ERC1: variants seen among roughly 807,000 people sequenced by gnomAD.
The protein encoded by ERC1 is RAB6 interacting protein 2.
Under a neutral mutation model 132.0 loss-of-function variants are expected in ERC1, and 56 were observed. The ratio of observed to expected loss-of-function variants is 0.42; its 90% CI spans 0.34 to 0.53. The LOEUF (loss-of-function observed/expected upper bound fraction) is 0.53, where lower values mean the gene tolerates loss of function less well. Ranked by LOEUF, ERC1 falls within the 20% of genes least tolerant of loss-of-function variation. The pLI, the probability that ERC1 is intolerant of heterozygous loss-of-function variation, is 0.03. For synonymous variants in ERC1, 478 were observed against 476.1 expected, an observed-to-expected ratio of 1.00 and a Z score of -0.05; for missense variants, 1,202 against 1,349.9, an observed-to-expected ratio of 0.89 and a Z score of 1.72.
intron 9 of ERC1, among the ~76,000 whole-genome samples, chr12:1,181,524 C>T (rs1954462356): frequency 6.6e-6 from 1 of 152,096 alleles, no homozygotes; most frequent in Admixed American, 6.6e-5. Flanking sequence ...TCTGGCCAGG[C>T]ACAATGACTC....
At chr12:1,149,834 A>G (rs1950680088) in intron 8 of ERC1, among the ~76,000 whole-genome samples, 2 of 152,198 alleles carry the variant, frequency 1.3e-5, no homozygotes. Context: ...CAGATTGAAT[A>G]TTATTATTCT....
At chr12:1,226,842 A>C (rs2074616469) in intron 12 of ERC1, among the ~76,000 whole-genome samples, 1 of 151,982 alleles carries the variant, frequency 6.6e-6, no homozygotes, top group Non-Finnish European at 1.5e-5. Flanking sequence ...AGGCCTGGCT[A>C]ATTTTTCTGT....
intron 8 of ERC1, among the ~76,000 whole-genome samples, chr12:1,156,876 A>G (rs1951446758): frequency 6.6e-6 from 1 of 151,228 alleles, no homozygotes. Context: ...TTGATGATGT[A>G]TTTTTTCTTG....
intron 8 of ERC1, among the ~76,000 whole-genome samples, chr12:1,151,473 A>G (rs919577803): frequency 3.3e-5 from 5 of 152,214 alleles, no homozygotes; most frequent in African/African-American, 1.2e-4. Flanking sequence ...CAATGCAAGA[A>G]ATCCCTGTTA....
chr12:1,062,829 A>T (rs1938291351), intron 2 of ERC1, among the ~76,000 whole-genome samples: 2 of 152,144 alleles, frequency 1.3e-5, no homozygotes, highest in African/African-American at 4.8e-5. Context: ...AATTATTCTT[A>T]TATTGGGATC....
At chr12:1,444,259 A>G (rs1002107207) in intron 17 of ERC1, 19 of 203,174 alleles carry the variant, frequency 9.4e-5, no homozygotes, top group Non-Finnish European at 1.4e-4. Flanking sequence ...CATCTCTGTA[A>G]AAACAAGTTA....
At chr12:1,464,479 A>G (rs908020137) in intron 18 of ERC1, among the ~76,000 whole-genome samples, 1 of 134,776 alleles carries the variant, frequency 7.4e-6, no homozygotes, top group African/African-American at 2.8e-5. Context: ...GTTCTCATGT[A>G]CCTTCAGCTT....
At chr12:1,124,238 G>C (rs1004869375) in intron 7 of ERC1, among the ~76,000 whole-genome samples, 5 of 152,098 alleles carry the variant, frequency 3.3e-5, no homozygotes, top group African/African-American at 1.2e-4. Context: ...GGTCATAAAG[G>C]AAACTTTAAA....
chr12:1,488,129 C>T (rs1272092168), intron 18 of ERC1, among the ~76,000 whole-genome samples: 1 of 142,292 alleles, frequency 7.0e-6, no homozygotes, highest in Non-Finnish European at 1.5e-5. Context: ...CAGAGCGAGA[C>T]TCACGTCTCA....
At chr12:1,452,504 G>T (rs1408344738) in intron 18 of ERC1, among the ~76,000 whole-genome samples, 1 of 151,928 alleles carries the variant, frequency 6.6e-6, no homozygotes, top group Non-Finnish European at 1.5e-5. Flanking sequence ...GAAAATTCTT[G>T]GCCATTATCT....
chr12:1,305,515 C>T (rs1203274466), intron 15 of ERC1, among the ~76,000 whole-genome samples: 2 of 152,170 alleles, frequency 1.3e-5, no homozygotes, highest in Admixed American at 1.3e-4. Flanking sequence ...CCTCGCCCCA[C>T]CCCCGTAAGT....
chr12:1,185,438 C>T (rs746000646), intron 11 of ERC1, among the ~76,000 whole-genome samples: 2 of 120,550 alleles, frequency 1.7e-5, no homozygotes, highest in African/African-American at 4.3e-5. Context: ...TTTTTTTTCA[C>T]CATTTTTTTA....
At chr12:1,103,216 G>A (rs1264056950) in intron 3 of ERC1, among the ~76,000 whole-genome samples, 1 of 152,210 alleles carries the variant, frequency 6.6e-6, no homozygotes, top group Non-Finnish European at 1.5e-5. Context: ...TCCCCTAGCA[G>A]CTTGTGCAAA....
At chr12:1,411,179 A>G (rs115095159) in intron 17 of ERC1, among the ~76,000 whole-genome samples, 255 of 152,296 alleles carry the variant, frequency 1.7e-3, no homozygotes, top group African/African-American at 5.2e-3. Context: ...AATTGGCTGG[A>G]AAGTATAGTC....
Position 1,016,797 on chromosome 12 carries a change from T to C in ERC1, c.-156-10951T>C, listed in dbSNP as rs541836891. On this transcript the variant is annotated intron_variant, in intron 1 of 18. Coordinates refer to ENST00000360905, the MANE Select transcript of ERC1 (RefSeq NM_178040.4). Reference sequence around the variant, plus strand: ...TCCCAAGTAGCTGGGTTTACAGGCGTGTACCACCATGCCTGGCTAAGTTTT... The same window carrying C: ...TCCCAAGTAGCTGGGTTTACAGGCGCGTACCACCATGCCTGGCTAAGTTTT... Among the ~76,000 whole-genome samples the C allele has an allele frequency of 2.0e-4, 30 of 151,308 alleles. No individual in the cohort carries two copies. In the South Asian group the frequency reaches 5.9e-3, roughly 30 times the overall value.
intron 13 of ERC1, among the ~76,000 whole-genome samples, chr12:1,261,927 A>T (rs891937285): frequency 7.2e-5 from 11 of 152,316 alleles, no homozygotes; most frequent in African/African-American, 2.6e-4. Flanking sequence ...TAAATAATAG[A>T]TGCTGTTCTT....
At chr12:1,244,073 G>A (rs982309654) in intron 13 of ERC1, among the ~76,000 whole-genome samples, 1 of 152,166 alleles carries the variant, frequency 6.6e-6, no homozygotes, top group Non-Finnish European at 1.5e-5. Context: ...GAGAGTTGTG[G>A]TGAGTGAGTA....
At chr12:1,038,443 C>T (rs1328645805) in intron 2 of ERC1, among the ~76,000 whole-genome samples, 1 of 151,722 alleles carries the variant, frequency 6.6e-6, no homozygotes, top group Non-Finnish European at 1.5e-5. Context: ...CTCACTGCAA[C>T]CTCCGCCTCC....
intron 17 of ERC1, among the ~76,000 whole-genome samples, chr12:1,416,194 AC>A (rs1165335405): frequency 1.3e-5 from 2 of 152,228 alleles, no homozygotes; most frequent in Non-Finnish European, 2.9e-5. Flanking sequence ...TCTGTAGGTT[AC>A]CCAAGACAGA....
Sources: allele counts gnomAD v4.1 joint callset (sites outside exome capture counted in the v4.1 genomes callset), GRCh38; gene constraint gnomAD v4.1.1; transcripts MANE v1.5; gene names NCBI Gene and HGNC (gene_info 2026-07-23, HGNC 2026-07-21).